Variants in MTMR3 observed in about 807,000 individuals in gnomAD.
MTMR3 encodes the protein myotubularin related protein 3.
In MTMR3, 32 loss-of-function variants were observed where a neutral mutation model predicts 132.4. That is an observed-to-expected ratio of 0.24 (90% CI 0.18 to 0.32). MTMR3 has a LOEUF of 0.32. Ranked by LOEUF, MTMR3 falls within the 10% of genes least tolerant of loss-of-function variation. The pLI, the probability that MTMR3 is intolerant of heterozygous loss-of-function variation, is 1.00. For missense variants in MTMR3, 1,216 were observed against 1,489.6 expected (o/e 0.82, Z 3.02); for synonymous variants, 556 against 550.3 (o/e 1.01, Z -0.14).
At chr22:29,934,386 A>G (rs1465822164) in intron 1 of MTMR3, among the ~76,000 whole-genome samples, 1 of 152,192 alleles carries the variant, frequency 6.6e-6, no homozygotes, top group East Asian at 1.9e-4. Context: ...TCTGGACATT[A>G]AAGATGTTAG....
rs66896756 is a variant in MTMR3 at position 29,928,171 on chromosome 22, CTTT to C, written c.-137-28848_-137-28846del. 5.6e-3 allele frequency among the ~76,000 whole-genome samples: 606 copies of C among 107,688 alleles called. 4 individuals carry two copies. The highest frequency in any genetic ancestry group is 0.021 in the African/African-American group (571 of 27,622). 70.6% of individuals were successfully genotyped at this position (107,688 alleles called of 152,430 possible). On this transcript the variant is annotated intron_variant, in intron 1 of 19. Transcript: ENST00000401950. ...CGGGTAATCACTACATTTTTTTTTT[CTTT>C]TTTTTTTTTTTTTTTTAGACAAAGT...
intron 7 of MTMR3, chr22:29,992,942 G>A (rs1797834314): frequency 6.6e-6 from 1 of 152,118 alleles, no homozygotes; most frequent in Non-Finnish European, 1.5e-5. Context: ...TGTCTGTTTT[G>A]GGAGCCAAAG....
At position 30,008,027 on chromosome 22, in the gene MTMR3, G is replaced by A. The variant is rs2067310788; in HGVS notation, c.1004G>A (p.Cys335Tyr). 6.2e-7 allele frequency: 1 copy of A among 1,612,644 alleles called. No homozygotes were observed. The highest frequency in any genetic ancestry group is 8.5e-7 in the Non-Finnish European group (1 of 1,179,942). The change falls in exon 11 of 20, where the codon TGC becomes TAC. Residue 335 changes from cysteine to tyrosine, a missense_variant. Cys to Tyr is a radical substitution (Grantham distance 194). Coordinates refer to ENST00000401950, the MANE Select transcript of MTMR3 (RefSeq NM_021090.4). ...CGAGCCAAAGGAGGAGGCTGCGAAT[G>A]CCCAGGTGAGGTGTATGGTGCTTTG... ...ANRAKGGGCE[C>Y]PEYYPNCEVV...
At chr22:29,940,794 T>C (rs1472555663) in intron 1 of MTMR3, among the ~76,000 whole-genome samples, 1 of 150,030 alleles carries the variant, frequency 6.7e-6, no homozygotes, top group Admixed American at 6.6e-5. Flanking sequence ...AGGCTAATTA[T>C]ATTTAGGGAC....
At chr22:29,965,043 AGTC>A (rs2066388063) in intron 2 of MTMR3, among the ~76,000 whole-genome samples, 1 of 152,132 alleles carries the variant, frequency 6.6e-6, no homozygotes, top group Non-Finnish European at 1.5e-5. Context: ...CCCACCAAGT[AGTC>A]TTTTCTGATC....
At chr22:29,939,022 A>G (rs2065804842) in intron 1 of MTMR3, among the ~76,000 whole-genome samples, 2 of 151,772 alleles carry the variant, frequency 1.3e-5, no homozygotes, top group South Asian at 4.1e-4. Flanking sequence ...GGGTTTCACC[A>G]TATTGGCCAG....
At chr22:29,901,117 A>C (rs1268849240) in intron 1 of MTMR3, among the ~76,000 whole-genome samples, 3 of 152,162 alleles carry the variant, frequency 2.0e-5, no homozygotes, top group Non-Finnish European at 2.9e-5. Flanking sequence ...ATTTTGAACC[A>C]AAATTAGGAG....
chr22:30,014,419 AG>A (rs1332352946), intron 14 of MTMR3: 5 of 151,260 alleles, frequency 3.3e-5, no homozygotes, highest in Non-Finnish European at 7.4e-5. Context: ...GTTGACTTCT[AG>A]TACTTCCTTG....
chr22:29,885,742 T>G (rs1382113642), intron 1 of MTMR3, among the ~76,000 whole-genome samples: 1 of 152,154 alleles, frequency 6.6e-6, no homozygotes, highest in Admixed American at 6.5e-5. Context: ...GAAAAGTTCT[T>G]GAGATTTGCC....
At chr22:30,008,738 A>G in intron 11 of MTMR3, 1 of 318,608 alleles carries the variant, frequency 3.1e-6, no homozygotes, top group Non-Finnish European at 5.7e-6. Flanking sequence ...GTGAGATCGA[A>G]GTAGGCCTTT....
At chr22:29,898,639 C>T (rs1035919163) in intron 1 of MTMR3, among the ~76,000 whole-genome samples, 2 of 152,086 alleles carry the variant, frequency 1.3e-5, no homozygotes, top group Non-Finnish European at 2.9e-5. Context: ...TGGACTCAAG[C>T]AGTCCACCCA....
At chr22:29,978,618 A>ATT (rs1308554285) in intron 4 of MTMR3, 87 bp downstream of exon 4, 26 of 907,962 alleles carry the variant, frequency 2.9e-5, no homozygotes, top group South Asian at 2.8e-4. Flanking sequence ...AACGTACTAT[A>ATT]TTATATATAT....
rs1296767785 is a variant in MTMR3, at chr22:30,008,001, C to T, written c.978C>T (p.Asn326=). 1 of 1,613,076 alleles carries T rather than the reference C, an allele frequency of 6.2e-7. No individual in the cohort carries two copies. Among genetic ancestry groups the T allele is most frequent in the Non-Finnish European group, 8.5e-7 (1 of 1,179,982 alleles). ...GCTCCTATGCAGCTGCTGTGGCAAACCGAGCCAAAGGAGGAGGCTGCGAAT... is the reference window on the plus strand; with the variant it reads ...GCTCCTATGCAGCTGCTGTGGCAAATCGAGCCAAAGGAGGAGGCTGCGAAT... ...DARSYAAAVA[N]RAKGGGCECP... is the part of the protein sequence containing the mutation. The change falls in exon 11 of 20, where the codon AAC becomes AAT. Residue 326 remains asparagine, a synonymous_variant. Coordinates refer to ENST00000401950, the MANE Select transcript of MTMR3 (RefSeq NM_021090.4).
At chr22:29,933,621 T>G (rs548998231) in intron 1 of MTMR3, among the ~76,000 whole-genome samples, 1 of 152,320 alleles carries the variant, frequency 6.6e-6, no homozygotes, top group East Asian at 1.9e-4. Context: ...TCTCTTCCAT[T>G]ATCTTCACAT....
chr22:29,918,696 T>G (rs2065353304), intron 1 of MTMR3, among the ~76,000 whole-genome samples: 1 of 152,184 alleles, frequency 6.6e-6, no homozygotes. Flanking sequence ...AATAAAATAT[T>G]TAGAATGGTT....
chr22:29,990,655 A>T (rs1020326104), intron 6 of MTMR3: 2 of 152,208 alleles, frequency 1.3e-5, no homozygotes, highest in Admixed American at 6.5e-5. Context: ...ATCTTGGCTC[A>T]CTGCAACCCG....
chr22:29,978,202 C>A, intron 3 of MTMR3: 1 of 326,302 alleles, frequency 3.1e-6, no homozygotes, highest in South Asian at 4.4e-5. Context: ...CTGTTAGTGC[C>A]TAATAGAAAT....
At position 30,025,974 on chromosome 22, in the gene MTMR3, C is replaced by T. The variant is rs922526757; in HGVS notation, c.*173C>T. 2.4e-5 allele frequency: 14 copies of T among 588,100 alleles called. No individual in the cohort carries two copies. Among genetic ancestry groups the T allele is most frequent in the East Asian group, 2.8e-5 (1 of 35,400 alleles). 36.4% of individuals were successfully genotyped at this position (588,100 alleles called of 1,614,324 possible). On this transcript the variant is annotated 3_prime_UTR_variant, in exon 20 of 20. Transcript: ENST00000401950. The stretch of plus-strand genomic sequence containing the variant: ...TGTAGATTGATTTTTCTTTCCTGTC[C>T]CCCTACTCCCTCCCTACCTTTTCCA...
intron 1 of MTMR3, among the ~76,000 whole-genome samples, chr22:29,907,530 C>T (rs1310970657): frequency 2.0e-5 from 3 of 151,936 alleles, no homozygotes; most frequent in Non-Finnish European, 4.4e-5. Context: ...CCTTGAGTAT[C>T]TCAAGCTTTT....
Sources: allele counts gnomAD v4.1 joint callset (sites outside exome capture counted in the v4.1 genomes callset), GRCh38; gene constraint gnomAD v4.1.1; transcripts MANE v1.5; gene names NCBI Gene and HGNC (gene_info 2026-07-23, HGNC 2026-07-21).